COL4A3: variants seen among roughly 807,000 people sequenced by gnomAD.
The protein encoded by COL4A3 is collagen alpha-3(IV) chain.
A neutral mutation model predicts 217.4 loss-of-function variants in COL4A3; 135 were observed. The observed-to-expected ratio is 0.62, with a 90% CI of 0.54 to 0.72. COL4A3 has a LOEUF of 0.72. Ranked by LOEUF, COL4A3 falls within the 30% of genes least tolerant of loss-of-function variation. The probability of loss-of-function intolerance (pLI) is 0.00; values close to 1 mark genes in which losing one functional copy is unlikely to be tolerated. For synonymous variants in COL4A3, 690 were observed against 736.3 expected (o/e 0.94, Z 1.02); for missense variants, 1,868 against 2,119.9 (o/e 0.88, Z 2.33).
intron 41 of COL4A3, 144 bp downstream of exon 41, chr2:227,295,460 C>A: frequency 1.3e-6 from 1 of 749,480 alleles, no homozygotes; most frequent in South Asian, 1.6e-5. Flanking sequence ...TCTTGGTCTT[C>A]AATTTAAAAT....
Position 227,280,753 on chromosome 2 carries a change from C to T in COL4A3, c.2375-140C>T, listed in dbSNP as rs2071905735. On this transcript the variant is annotated intron_variant, in intron 30 of 51. Transcript: ENST00000396578. ...TCCTTCCTTCTTTTTTAATGAGTGC[C>T]CTCTAGAAAAGGCATATTAATGGCA... is the stretch of plus-strand genomic sequence containing the variant. The T allele has an allele frequency of 6.6e-6, 7 of 1,060,470 alleles. No individual in the cohort carries two copies. The East Asian group carries it at 1.5e-4, about 22-fold the overall frequency. 65.7% of individuals were successfully genotyped at this position (1,060,470 alleles called of 1,614,324 possible).
At chr2:227,278,141 GA>G (rs1280822203) in intron 28 of COL4A3, among the ~76,000 whole-genome samples, 2 of 148,764 alleles carry the variant, frequency 1.3e-5, no homozygotes, top group Admixed American at 1.3e-4. Flanking sequence ...TTTTTAATAA[GA>G]AAGGAACTAT....
chr2:227,233,790 C>G (rs74488413), intron 1 of COL4A3, among the ~76,000 whole-genome samples: 1 of 151,932 alleles, frequency 6.6e-6, no homozygotes, highest in Non-Finnish European at 1.5e-5. Flanking sequence ...GGGAACAGCA[C>G]GCTCACATCA....
At chr2:227,206,016 G>A (rs903962477) in intron 1 of COL4A3, among the ~76,000 whole-genome samples, 5 of 152,110 alleles carry the variant, frequency 3.3e-5, no homozygotes, top group African/African-American at 1.2e-4. Context: ...GATGACTGGG[G>A]TTTTGATTCA....
intron 47 of COL4A3, among the ~76,000 whole-genome samples, chr2:227,306,112 ATT>A (rs1247632026): frequency 2.0e-5 from 3 of 152,364 alleles, no homozygotes; most frequent in Non-Finnish European, 4.4e-5. Flanking sequence ...GTGATAAACC[ATT>A]CTTATTAAGA....
At chr2:227,258,552 T>G (rs973074013) in intron 18 of COL4A3, among the ~76,000 whole-genome samples, 2 of 152,242 alleles carry the variant, frequency 1.3e-5, no homozygotes, top group African/African-American at 4.8e-5. Context: ...ACCCTTGGTC[T>G]GGTGAGGGCT....
intron 23 of COL4A3, among the ~76,000 whole-genome samples, chr2:227,268,001 G>A (rs1184774015): frequency 6.6e-5 from 10 of 152,160 alleles, no homozygotes; most frequent in Non-Finnish European, 1.3e-4. Context: ...AAACGTCTCT[G>A]TTTACTGACT....
intron 17 of COL4A3, 150 bp downstream of exon 17, chr2:227,256,546 G>A (rs761611365): frequency 1.3e-6 from 1 of 791,876 alleles, no homozygotes; most frequent in African/African-American, 1.7e-5. Context: ...AAAGAGAGAT[G>A]TGGCAACTTT....
chr2:227,201,660 G>C (rs1422373260), intron 1 of COL4A3, among the ~76,000 whole-genome samples: 1 of 152,110 alleles, frequency 6.6e-6, no homozygotes, highest in Non-Finnish European at 1.5e-5. Flanking sequence ...TGTCACTATA[G>C]ACACCAATCA....
chr2:227,291,578 A>AAAAAAAAAAATTGTCATAAAAAG (rs2072733890), intron 37 of COL4A3, among the ~76,000 whole-genome samples: 1 of 19,602 alleles, frequency 5.1e-5, no homozygotes, highest in African/African-American at 1.6e-4. Flanking sequence ...AAAAAAAAAA[A>AAAAAAAAAAATTGTCATAAAAAG]ACAAAAAAAA....
chr2:227,199,104 G>A (rs555086714), intron 1 of COL4A3, among the ~76,000 whole-genome samples: 6 of 152,204 alleles, frequency 3.9e-5, no homozygotes, highest in African/African-American at 1.2e-4. Context: ...CTGAATTGAG[G>A]AATGAAAAAA....
chr2:227,234,404 C>T (rs936372598), intron 1 of COL4A3, among the ~76,000 whole-genome samples: 32 of 152,308 alleles, frequency 2.1e-4, no homozygotes, highest in African/African-American at 7.7e-4. Flanking sequence ...TAGCCAAAGC[C>T]TCTGGTTCCA....
chr2:227,281,111 AC>A lies in COL4A3; in HGVS notation c.2488+107del, dbSNP rs1206180809. ...GGGAACTGTCCAGCCACAAGTCCTGACCACTGTTCAATGAGAAATACTTCAG... is the reference window on the plus strand; with the variant it reads ...GGGAACTGTCCAGCCACAAGTCCTGACACTGTTCAATGAGAAATACTTCAG... On this transcript the variant is annotated intron_variant, in intron 31 of 51. Transcript: ENST00000396578. 3 of 768,738 alleles carry A rather than the reference AC, an allele frequency of 3.9e-6. No individual in the cohort carries two copies. In the African/African-American group the frequency reaches 5.1e-5, roughly 13 times the overall value. 47.6% of individuals were successfully genotyped at this position (768,738 alleles called of 1,614,324 possible). A position where few individuals can be genotyped will look rare whatever the true frequency, so the allele number is the denominator to read the frequency against.
chr2:227,200,753 T>G (rs1364568193), intron 1 of COL4A3, among the ~76,000 whole-genome samples: 2 of 152,250 alleles, frequency 1.3e-5, no homozygotes, highest in Admixed American at 1.3e-4. Context: ...AACTTGTTTC[T>G]GTCATAAGTA....
chr2:227,165,646 C>T (rs1922022), intron 1 of COL4A3, among the ~76,000 whole-genome samples: 42,346 of 151,978 alleles, frequency 0.28, 6,068 homozygotes, highest in South Asian at 0.36. Flanking sequence ...TGGGTGATAA[C>T]GTGGCATAGG....
Position 227,235,772 on chromosome 2 carries a change from CTTTTTT to C in COL4A3, c.88-2181_88-2176del, listed in dbSNP as rs201024233. On this transcript the variant is annotated intron_variant, in intron 1 of 51. Coordinates refer to ENST00000396578, the MANE Select transcript of COL4A3 (RefSeq NM_000091.5). ...TGCTGCTAATGCCATTATTTCATTC[CTTTTTT>C]TTTTTTTTTTTTTTAATGGAGTTTT... Among the ~76,000 whole-genome samples the C allele has an allele frequency of 5.6e-4, 68 of 122,430 alleles. 2 individuals carry two copies. In the South Asian group the frequency reaches 0.013, roughly 23 times the overall value. 80.3% of individuals were successfully genotyped at this position (122,430 alleles called of 152,430 possible). A position where few individuals can be genotyped will look rare whatever the true frequency, so the allele number is the denominator to read the frequency against.
At chr2:227,284,134 T>C (rs2072170415) in intron 33 of COL4A3, 77 bp from the exon 34 acceptor site, 5 of 1,583,584 alleles carry the variant, frequency 3.2e-6, no homozygotes, top group Non-Finnish European at 4.3e-6. Flanking sequence ...TGTTTTATAG[T>C]AAGCACTGCC....
Position 227,244,974 on chromosome 2 carries a change from T to C in COL4A3, c.303T>C (p.Phe101=). 6.2e-7 allele frequency: 1 copy of C among 1,613,438 alleles called. No individual in the cohort carries two copies. Among genetic ancestry groups the C allele is most frequent in the Non-Finnish European group, 8.5e-7 (1 of 1,179,598 alleles). ...AGGGAATAAGTGGATTGCCAGGATT[T>C]TCTGGTTCTCCTGGACTTCCAGTAA... ...GVRGISGLPG[F]SGSPGLPGTP... is the part of the protein sequence containing the mutation. The change falls in exon 5 of 52, where the codon TTT becomes TTC. Residue 101 remains phenylalanine (F), a synonymous_variant. Coordinates refer to ENST00000396578, the MANE Select transcript of COL4A3 (RefSeq NM_000091.5).
At chr2:227,286,357 C>T (rs1396229802) in intron 34 of COL4A3, among the ~76,000 whole-genome samples, 5 of 53,728 alleles carry the variant, frequency 9.3e-5, no homozygotes, top group Non-Finnish European at 1.5e-4. Flanking sequence ...CCAGGGTGGG[C>T]GGGGTGGGGA....
Sources: allele counts gnomAD v4.1 joint callset (sites outside exome capture counted in the v4.1 genomes callset), GRCh38; gene constraint gnomAD v4.1.1; transcripts MANE v1.5; gene names NCBI Gene and HGNC (gene_info 2026-07-23, HGNC 2026-07-21).